FRAS1: variants seen among roughly 807,000 people sequenced by gnomAD.
FRAS1 encodes extracellular matrix organizing protein FRAS1.
In FRAS1, 290 loss-of-function variants were observed where a neutral mutation model predicts 435.2. The ratio of observed to expected loss-of-function variants is 0.67; its 90% CI spans 0.61 to 0.73. The LOEUF is 0.73. Among genes scored for constraint, FRAS1 ranks in the 30% least tolerant of loss-of-function variants. FRAS1 has a pLI of 0.00. For missense variants in FRAS1, 4,860 were observed against 5,001.5 expected (o/e 0.97, Z 0.85); for synonymous variants, 1,800 against 1,851.0 (o/e 0.97, Z 0.71).
At chr4:78,061,984 G>A (rs1739779871) in intron 1 of FRAS1, among the ~76,000 whole-genome samples, 1 of 152,168 alleles carries the variant, frequency 6.6e-6, no homozygotes, top group Non-Finnish European at 1.5e-5. Context: ...AAATAAAGAG[G>A]TGTTGTTGTG....
chr4:78,203,045 G>A (rs1723107913), intron 2 of FRAS1, among the ~76,000 whole-genome samples: 1 of 152,196 alleles, frequency 6.6e-6, no homozygotes, highest in Non-Finnish European at 1.5e-5. Flanking sequence ...AGTGTTGCTT[G>A]GTACTTGGGG....
At position 78,363,991 on chromosome 4, in the gene FRAS1, A is replaced by T. The variant is rs1731174835; in HGVS notation, c.2659A>T (p.Thr887Ser). Residue 887 changes from threonine (T) to serine (S), a missense_variant, in exon 22 of 74, where the codon ACT becomes TCT. Transcript: ENST00000512123. ...TGACACCAACCTCGTGCTGTCCCAC[A>T]CTGGCACCTGCAGCACCACCTGCTT... is the stretch of plus-strand genomic sequence containing the variant. ...SCDTNLVLSH[T>S]GTCSTTCFPG... 1 of 1,610,764 alleles carries T rather than the reference A, an allele frequency of 6.2e-7. No homozygotes were observed. Among genetic ancestry groups the T allele is most frequent in the South Asian group, 1.1e-5 (1 of 90,222 alleles).
chr4:78,197,712 C>T (rs1203891484), intron 2 of FRAS1, among the ~76,000 whole-genome samples: 8 of 152,088 alleles, frequency 5.3e-5, no homozygotes, highest in Admixed American at 2.6e-4. Flanking sequence ...GAGGCTAAGG[C>T]GGGTGGATCA....
chr4:78,221,319 A>G (rs576457226), intron 2 of FRAS1, among the ~76,000 whole-genome samples: 2 of 152,326 alleles, frequency 1.3e-5, no homozygotes, highest in East Asian at 1.9e-4. Flanking sequence ...ATCTTTACTT[A>G]TTATAAATAC....
intron 20 of FRAS1, among the ~76,000 whole-genome samples, chr4:78,339,648 A>G (rs1730326349): frequency 6.6e-6 from 1 of 152,238 alleles, no homozygotes. Context: ...CACGTGGGCC[A>G]TTCATGACTA....
At chr4:78,304,701 A>C (rs1362199134) in intron 14 of FRAS1, among the ~76,000 whole-genome samples, 11 of 151,922 alleles carry the variant, frequency 7.2e-5, no homozygotes, top group East Asian at 3.8e-4. Context: ...TCTGTGGGAT[A>C]GGTGGTGATA....
At chr4:78,125,498 A>T (rs1445050711) in intron 2 of FRAS1, among the ~76,000 whole-genome samples, 1 of 152,184 alleles carries the variant, frequency 6.6e-6, no homozygotes, top group South Asian at 2.1e-4. Flanking sequence ...GTAGATGTCT[A>T]TTAGGTCAGC....
In FRAS1 at chr4:78,084,596, C is replaced by G. The variant is rs943305846; in HGVS notation, c.108+18580C>G. On this transcript the variant is annotated intron_variant, in intron 2 of 73. Transcript: ENST00000512123. ...TGTCCCATCTTTGGATAGTGAGAAC[C>G]TCTTTAAGTTTGCTGTTGAGTCCTT... Among the ~76,000 whole-genome samples the G allele has an allele frequency of 6.6e-5, 10 of 152,080 alleles. 1 individual carries two copies. Among genetic ancestry groups the G allele is most frequent in the Admixed American group, 5.9e-4 (9 of 15,252 alleles).
chr4:78,366,362 C>T (rs755977481), intron 22 of FRAS1, among the ~76,000 whole-genome samples: 6 of 152,346 alleles, frequency 3.9e-5, no homozygotes, highest in East Asian at 1.9e-4. Context: ...CAGACTTCCA[C>T]GGAAGAAAGC....
Position 78,363,955 on chromosome 4 carries a change from T to C in FRAS1, c.2623T>C (p.Cys875Arg). 6.2e-7 allele frequency: 1 copy of C among 1,613,468 alleles called. No homozygotes were observed. The highest frequency in any genetic ancestry group is 8.5e-7 in the Non-Finnish European group (1 of 1,179,686). ...RTCQGRGPFS[C>R]SSCDTNLVLS... The stretch of plus-strand genomic sequence containing the variant: ...CTGCCAGGGCAGAGGACCTTTCTCC[T>C]GCTCCTCATGTGACACCAACCTCGT... Residue 875 changes from cysteine (C) to arginine (R), a missense_variant, in exon 22 of 74, where the codon TGC becomes CGC. Coordinates refer to ENST00000512123, the MANE Select transcript of FRAS1 (RefSeq NM_025074.7).
chr4:78,255,142 T>C, intron 5 of FRAS1, 100 bp from the exon 6 acceptor site: 2 of 1,142,238 alleles, frequency 1.8e-6, no homozygotes, highest in Non-Finnish European at 2.6e-6. Flanking sequence ...TTCTGTGCAC[T>C]GGGCTTCTGA....
intron 29 of FRAS1, 118 bp from the exon 30 acceptor site, chr4:78,400,616 A>ATC (rs61509544): frequency 0.27 from 245,141 of 909,908 alleles, 35,301 homozygotes; most frequent in African/African-American, 0.38. Flanking sequence ...GAAGCTGTGA[A>ATC]TCTCTCTGTC....
At chr4:78,089,071 C>T (rs1741362489) in intron 2 of FRAS1, among the ~76,000 whole-genome samples, 1 of 151,984 alleles carries the variant, frequency 6.6e-6, no homozygotes, top group South Asian at 2.1e-4. Flanking sequence ...AAATGTGGCA[C>T]ATATACACCA....
chr4:78,431,554 T>C (rs1734223860), intron 37 of FRAS1, among the ~76,000 whole-genome samples: 1 of 152,136 alleles, frequency 6.6e-6, no homozygotes, highest in South Asian at 2.1e-4. Context: ...TTATTAGAAC[T>C]AATAATCTAT....
chr4:78,135,217 G>C (rs1209676905), intron 2 of FRAS1, among the ~76,000 whole-genome samples: 2 of 152,094 alleles, frequency 1.3e-5, no homozygotes, highest in Admixed American at 1.3e-4. Context: ...AACTCTTGCC[G>C]TCATAGTCAG....
chr4:78,230,463 G>A (rs934244808), intron 2 of FRAS1, among the ~76,000 whole-genome samples: 1 of 151,840 alleles, frequency 6.6e-6, no homozygotes. Context: ...AATAGAAAAG[G>A]TATTGTTTAT....
At chr4:78,528,099 A>C (rs911011341) in intron 70 of FRAS1, among the ~76,000 whole-genome samples, 15 of 152,150 alleles carry the variant, frequency 9.9e-5, no homozygotes, top group Non-Finnish European at 1.0e-4. Context: ...TCGCTGTGAA[A>C]TGAAAAGCCC....
intron 2 of FRAS1, among the ~76,000 whole-genome samples, chr4:78,206,881 T>G (rs1723282369): frequency 6.6e-6 from 1 of 152,206 alleles, no homozygotes. Context: ...GGGAATTTCC[T>G]GCTTCCTTTG....
At chr4:78,523,906 T>C (rs1490166298) in intron 69 of FRAS1, among the ~76,000 whole-genome samples, 1 of 152,168 alleles carries the variant, frequency 6.6e-6, no homozygotes, top group Admixed American at 6.5e-5. Flanking sequence ...TCCACGTTAG[T>C]TACTCACCAA....
Sources: gnomAD v4.1 joint callset for allele counts (sites outside exome capture counted in the v4.1 genomes callset) on GRCh38, gnomAD v4.1.1 for gene constraint, MANE v1.5 for transcripts, NCBI Gene and HGNC (gene_info 2026-07-23, HGNC 2026-07-21) for gene names.